SGK2: variants seen among roughly 807,000 people sequenced by gnomAD.
SGK2 encodes the protein serine/threonine-protein kinase Sgk2.
SGK2 carries 36 observed loss-of-function variants against 47.5 expected under a neutral mutation model. The observed-to-expected ratio is 0.76, with a 90% CI of 0.58 to 1.00. The LOEUF is 1.00. Ranked by LOEUF, SGK2 falls within the 50% of genes least tolerant of loss-of-function variation. SGK2 has a pLI of 0.00. For synonymous variants in SGK2, 157 were observed against 181.9 expected (o/e 0.86, Z 1.10); for missense variants, 404 against 467.4 (o/e 0.86, Z 1.25).
chr20:43,570,739 G>A lies in SGK2; in HGVS notation c.473+10G>A. 1 of 1,591,588 alleles carries A rather than the reference G, an allele frequency of 6.3e-7. No individual in the cohort carries two copies. On this transcript the variant is annotated intron_variant, in intron 7 of 12. Transcript: ENST00000373100. ...TCAACATCATTTACAGGTGAGGCCT[G>A]CCTGTGGCTCAGAGCCAGGACCAAG...
At chr20:43,576,756 A>G (rs1980485205) in intron 11 of SGK2, among the ~76,000 whole-genome samples, 1 of 152,222 alleles carries the variant, frequency 6.6e-6, no homozygotes, top group Non-Finnish European at 1.5e-5. Flanking sequence ...CCTGGCCAAC[A>G]TGGTGTAAAC....
chr20:43,572,142 G>A lies in SGK2; in HGVS notation c.597+5G>A, dbSNP rs1220636231. 6.5e-6 allele frequency: 10 copies of A among 1,544,670 alleles called. No individual in the cohort carries two copies. Among genetic ancestry groups the A allele is most frequent in the Non-Finnish European group, 7.0e-6 (8 of 1,141,018 alleles). On this transcript the variant is annotated splice_donor_5th_base_variant and intron_variant, in intron 9 of 12. Coordinates refer to ENST00000373100, the MANE Select transcript of SGK2 (RefSeq NM_170693.3). The surrounding 1 kb of genome is among the most constrained non-coding windows in gnomAD (Gnocchi z 4.2). ...ACATTCTGTGGTACCCCTGAGGTAA[G>A]CGTAAACATCCCAGGAGAGGGGAGG... is the stretch of plus-strand genomic sequence containing the variant.
intron 5 of SGK2, 83 bp from the exon 6 acceptor site, chr20:43,569,302 C>A: frequency 1.3e-6 from 2 of 1,549,998 alleles, no homozygotes; most frequent in Admixed American, 1.7e-5. Context: ...ATGACCCCCA[C>A]CCACAAGCTT....
Position 43,585,544 on chromosome 20 carries a change from C to T in SGK2, c.*528C>T, listed in dbSNP as rs1981039973. 6.5e-6 allele frequency: 1 copy of T among 153,138 alleles called. No individual in the cohort carries two copies. Among genetic ancestry groups the T allele is most frequent in the African/African-American group, 2.4e-5 (1 of 41,412 alleles). 9.5% of individuals were successfully genotyped at this position (153,138 alleles called of 1,614,324 possible). A position where few individuals can be genotyped will look rare whatever the true frequency, so the allele number is the denominator to read the frequency against. ...CCAGCACTCTTTTACCAGAGGGCCTCCTGGTGTTTGGATTTTGATCTCAAT... is the reference window on the plus strand; with the variant it reads ...CCAGCACTCTTTTACCAGAGGGCCTTCTGGTGTTTGGATTTTGATCTCAAT... On this transcript the variant is annotated 3_prime_UTR_variant, in exon 13 of 13. Coordinates refer to ENST00000373100, the MANE Select transcript of SGK2 (RefSeq NM_170693.3).
In SGK2 at chr20:43,568,014, G is replaced by A. The variant is rs1979847088; in HGVS notation, c.228+15G>A. The A allele has an allele frequency of 3.1e-6, 5 of 1,608,910 alleles. No individual in the cohort carries two copies. The highest frequency in any genetic ancestry group is 1.7e-4 in the Middle Eastern group (1 of 6,054). Reference sequence around the variant, plus strand: ...AGAAGAAAGAGGTACCAGAGCTCGGGCACAGGCATTTCTTCTTCTGCTTCT... The same window carrying A: ...AGAAGAAAGAGGTACCAGAGCTCGGACACAGGCATTTCTTCTTCTGCTTCT... On this transcript the variant is annotated intron_variant, in intron 5 of 12. Coordinates refer to ENST00000373100, the MANE Select transcript of SGK2 (RefSeq NM_170693.3).
In SGK2 at chr20:43,567,818, G is replaced by A. The variant is rs377283346; in HGVS notation, c.144+96G>A. The A allele has an allele frequency of 9.7e-6, 15 of 1,552,274 alleles. No homozygotes were observed. In the East Asian group the frequency reaches 1.1e-4, roughly 12 times the overall value. Reference sequence around the variant, plus strand: ...TTGTATGTATGAAGAGAGAGCACTCGCACCTGCAGACAAAAGCAGGGGCAG... The same window carrying A: ...TTGTATGTATGAAGAGAGAGCACTCACACCTGCAGACAAAAGCAGGGGCAG... On this transcript the variant is annotated intron_variant, in intron 4 of 12. Coordinates refer to ENST00000373100, the MANE Select transcript of SGK2 (RefSeq NM_170693.3).
rs370060123 is a variant in SGK2, at chr20:43,572,031, A to G, written c.511-20A>G. The G allele has an allele frequency of 1.3e-6, 2 of 1,540,730 alleles. No individual in the cohort carries two copies. The highest frequency in any genetic ancestry group is 1.8e-6 in the Non-Finnish European group (2 of 1,139,110). On this transcript the variant is annotated intron_variant, in intron 8 of 12. Transcript: ENST00000373100. This position sits in a 1 kb window ranked among gnomAD's most constrained non-coding sequence, Gnocchi z 4.2. ...CTTGGCTCATACCACCCTCCAGCCC[A>G]TGCCCTCCGTCATTCTCAGGGACAC...
chr20:43,581,533 A>T (rs1459632254), intron 12 of SGK2, among the ~76,000 whole-genome samples: 3 of 151,768 alleles, frequency 2.0e-5, no homozygotes, highest in Non-Finnish European at 2.9e-5. Context: ...TGTTTTTTAG[A>T]TTCTTTTTTT....
intron 10 of SGK2, among the ~76,000 whole-genome samples, chr20:43,575,620 T>C (rs1014571277): frequency 1.3e-5 from 2 of 152,170 alleles, no homozygotes; most frequent in Non-Finnish European, 2.9e-5. Context: ...TGATAGGTTG[T>C]GGAGCCAACC....
chr20:43,580,490 G>A (rs1229369129), intron 12 of SGK2, among the ~76,000 whole-genome samples: 1 of 152,142 alleles, frequency 6.6e-6, no homozygotes, highest in Non-Finnish European at 1.5e-5. Context: ...CACTTTGGGA[G>A]GCTGAGGCGG....
intron 1 of SGK2, among the ~76,000 whole-genome samples, chr20:43,564,113 G>A (rs1600984652): frequency 6.6e-6 from 1 of 152,370 alleles, no homozygotes; most frequent in East Asian, 1.9e-4. Flanking sequence ...CCTGGGGAGA[G>A]GAAGGGACCC....
intron 12 of SGK2, among the ~76,000 whole-genome samples, chr20:43,583,956 C>A (rs370779118): frequency 3.0e-4 from 45 of 152,166 alleles, no homozygotes; most frequent in African/African-American, 1.1e-3. Flanking sequence ...GCAAAAAAGA[C>A]CTTGTCTCTT....
chr20:43,570,781 A>G (rs1207993652), intron 7 of SGK2, 52 bp downstream of exon 7: 1 of 1,418,254 alleles, frequency 7.1e-7, no homozygotes, highest in Non-Finnish European at 9.9e-7. Context: ...TTGCTCCAAC[A>G]GCTAGGGGTT....
chr20:43,564,735 G>A (rs6103385), intron 1 of SGK2: 11,614 of 152,588 alleles, frequency 0.076, 886 homozygotes, highest in African/African-American at 0.19. Flanking sequence ...ACATCCATAT[G>A]CACACCACAC....
At chr20:43,566,824 A>G (rs1030711180) in intron 2 of SGK2, among the ~76,000 whole-genome samples, 2 of 139,480 alleles carry the variant, frequency 1.4e-5, no homozygotes, top group African/African-American at 5.3e-5. Flanking sequence ...AATTAGCACA[A>G]CAGCCAGCTG....
At chr20:43,583,024 C>T (rs963809643) in intron 12 of SGK2, among the ~76,000 whole-genome samples, 13 of 152,230 alleles carry the variant, frequency 8.5e-5, no homozygotes, top group Non-Finnish European at 1.3e-4. Flanking sequence ...TGGAGGTGGG[C>T]GTGTGAAGCT....
intron 12 of SGK2, among the ~76,000 whole-genome samples, chr20:43,583,927 A>G (rs1284581337): frequency 6.6e-6 from 1 of 152,064 alleles, no homozygotes; most frequent in African/African-American, 2.4e-5. Flanking sequence ...ATGCCAGTGC[A>G]CTCCAGCCTG....
chr20:43,578,346 G>A (rs1980591645), intron 11 of SGK2, among the ~76,000 whole-genome samples: 1 of 152,128 alleles, frequency 6.6e-6, no homozygotes, highest in Admixed American at 6.6e-5. Context: ...TTATCCAGGT[G>A]TGGTGGTGGG....
intron 12 of SGK2, among the ~76,000 whole-genome samples, chr20:43,584,542 C>G (rs778103553): frequency 3.3e-5 from 5 of 152,168 alleles, no homozygotes; most frequent in South Asian, 2.1e-4. Flanking sequence ...ACAATGTAAG[C>G]TCCATGAATG....
Sources: gnomAD v4.1 joint callset for allele counts (sites outside exome capture counted in the v4.1 genomes callset) on GRCh38, gnomAD v4.1.1 for gene constraint, Gnocchi (gnomAD v3.1) non-coding constraint, MANE v1.5 for transcripts, NCBI Gene and HGNC (gene_info 2026-07-23, HGNC 2026-07-21) for gene names.